SI: variants seen among roughly 807,000 people sequenced by gnomAD.
SI encodes the protein sucrase-isomaltase, intestinal.
In SI, 235 loss-of-function variants were observed where a neutral mutation model predicts 253.3. The ratio of observed to expected loss-of-function variants is 0.93; its 90% CI spans 0.83 to 1.03. The LOEUF (loss-of-function observed/expected upper bound fraction) is 1.03. Ranked by LOEUF, SI falls within the 50% of genes least tolerant of loss-of-function variation. The pLI, the probability that SI is intolerant of heterozygous loss-of-function variation, is 0.00. For synonymous variants in SI, 819 were observed against 712.0 expected, an observed-to-expected ratio of 1.15 and a Z score of -2.39; for missense variants, 2,442 against 2,211.1, an observed-to-expected ratio of 1.10 and a Z score of -2.09.
chr3:164,981,938 A>C (rs1717208150), intron 47 of SI, among the ~76,000 whole-genome samples: 6 of 152,152 alleles, frequency 3.9e-5, no homozygotes, highest in Admixed American at 3.9e-4. Context: ...CAGATATCTT[A>C]TTTTTAAAAA....
At chr3:165,060,250 A>C (rs1429508387) in intron 9 of SI, among the ~76,000 whole-genome samples, 1 of 151,922 alleles carries the variant, frequency 6.6e-6, no homozygotes, top group Admixed American at 6.6e-5. Flanking sequence ...TTCACGTTTT[A>C]GTTTGTGTTT....
At position 165,069,059 on chromosome 3, in the gene SI, A is replaced by T. The variant is rs780408805; in HGVS notation, c.373+19T>A. On this transcript the variant is annotated intron_variant, in intron 4 of 47. Transcript: ENST00000264382. ...TTAGAATATATCATATTGAATCATT[A>T]TAACAGAGGACTTCTTACCAATACT... The T allele has an allele frequency of 6.7e-7, 1 of 1,484,282 alleles. No individual in the cohort carries two copies. Among genetic ancestry groups the T allele is most frequent in the Admixed American group, 1.7e-5 (1 of 59,826 alleles). 91.9% of individuals were successfully genotyped at this position (1,484,282 alleles called of 1,614,324 possible).
chr3:165,076,964 T>TA (rs542088778), intron 1 of SI, among the ~76,000 whole-genome samples: 1 of 150,168 alleles, frequency 6.7e-6, no homozygotes, highest in African/African-American at 2.4e-5. Context: ...TTATTGGGTT[T>TA]AAAATCACGG....
Position 165,063,514 on chromosome 3 carries a change from T to A in SI, c.835A>T (p.Thr279Ser). 1 of 1,545,752 alleles carries A rather than the reference T, an allele frequency of 6.5e-7. No homozygotes were observed. Among genetic ancestry groups the A allele is most frequent in the Non-Finnish European group, 8.9e-7 (1 of 1,126,186 alleles). The change falls in exon 8 of 48, where the codon ACA becomes TCA. Residue 279 changes from threonine to serine, a missense_variant. Transcript: ENST00000264382. ...DNNNNLYGHQ[T>S]FFMCIEDTSG... The stretch of plus-strand genomic sequence containing the variant: ...GTATCTTCAATACACATAAAGAATG[T>A]TTGATGGCCGTATAAATTATTATTA...
chr3:165,059,811 T>C (rs941508248), intron 10 of SI, 91 bp downstream of exon 10: 1 of 1,266,150 alleles, frequency 7.9e-7, no homozygotes, highest in Non-Finnish European at 1.2e-6. Context: ...ATAATGTATA[T>C]AGTAGATACT....
chr3:165,042,983 T>C (rs12381230), intron 17 of SI, 76 bp downstream of exon 17: 299,944 of 893,354 alleles, frequency 0.34, 57,087 homozygotes, highest in East Asian at 0.75. Flanking sequence ...ATATACTCTA[T>C]AGATTTAATT....
intron 16 of SI, among the ~76,000 whole-genome samples, chr3:165,044,651 C>A (rs1713019056): frequency 6.6e-6 from 1 of 151,848 alleles, no homozygotes; most frequent in African/African-American, 2.4e-5. Context: ...AATTGAATAT[C>A]ATTTATAGAC....
intron 27 of SI, among the ~76,000 whole-genome samples, chr3:165,020,857 A>C (rs1378848921): frequency 6.6e-6 from 1 of 151,728 alleles, no homozygotes; most frequent in Non-Finnish European, 1.5e-5. Flanking sequence ...TTCAAGCACC[A>C]ATAAACTATT....
intron 34 of SI, among the ~76,000 whole-genome samples, chr3:165,012,242 G>A (rs1718807771): frequency 6.6e-6 from 1 of 152,062 alleles, no homozygotes; most frequent in Non-Finnish European, 1.5e-5. Context: ...GACTGTAAGT[G>A]GGAGAAAATA....
Position 165,037,978 on chromosome 3 carries a change from G to T in SI, c.2348C>A (p.Pro783Gln). Residue 783 changes from proline to glutamine, a missense_variant, in exon 21 of 48, where the codon CCA (proline) becomes CAA (glutamine). Physicochemically the swap from Pro to Gln is moderately conservative, Grantham distance 76. Coordinates refer to ENST00000264382, the MANE Select transcript of SI (RefSeq NM_001041.4). ...AAGATGTAATCCTATTTTGTCTGCT[G>T]GAAGATACATATCAACCCGTTGTTT... is the stretch of plus-strand genomic sequence containing the variant. ...WRKQRVDMYL[P>Q]ADKIGLHLRG... is the part of the protein sequence containing the mutation. 6 of 1,610,326 alleles carry T rather than the reference G, an allele frequency of 3.7e-6. No homozygotes were observed. The highest frequency in any genetic ancestry group is 5.1e-6 in the Non-Finnish European group (6 of 1,177,276).
Position 165,055,199 on chromosome 3 carries a change from A to G in SI, c.1507T>C (p.Trp503Arg), listed in dbSNP as rs1208563368. 1 of 1,589,556 alleles carries G rather than the reference A, an allele frequency of 6.3e-7. No individual in the cohort carries two copies. The highest frequency in any genetic ancestry group is 8.6e-7 in the Non-Finnish European group (1 of 1,158,458). ...GGTTTAAAATAGCTACTTACAATCC[A>G]AAGTCCATCATATTGCACTTCTTGA... ...FHQEVQYDGLWIDMNEVSSFI... is the reference protein window; with the variant it reads ...FHQEVQYDGLRIDMNEVSSFI... The change falls in exon 13 of 48, where the codon TGG becomes CGG. Residue 503 changes from tryptophan (W) to arginine (R), a missense_variant. Transcript: ENST00000264382.
intron 1 of SI, among the ~76,000 whole-genome samples, chr3:165,077,652 G>T (rs1359273080): frequency 2.0e-5 from 3 of 151,614 alleles, no homozygotes; most frequent in Non-Finnish European, 4.4e-5. Flanking sequence ...GTGATGTTAT[G>T]TTGAGAAATG....
At chr3:164,979,541 T>A (rs577189260) in intron 47 of SI, 111 bp from the exon 48 acceptor site, 1 of 597,754 alleles carries the variant, frequency 1.7e-6, no homozygotes, top group Non-Finnish European at 3.0e-6. Context: ...CTTTATTTTC[T>A]TTTATATCTT....
At chr3:165,070,710 T>C (rs937374300) in intron 3 of SI, among the ~76,000 whole-genome samples, 11 of 152,064 alleles carry the variant, frequency 7.2e-5, no homozygotes, top group African/African-American at 2.7e-4. Flanking sequence ...ACAATTTACA[T>C]AATTAAAAAT....
intron 35 of SI, among the ~76,000 whole-genome samples, chr3:165,008,926 T>G (rs1718641747): frequency 6.6e-6 from 1 of 151,916 alleles, no homozygotes; most frequent in South Asian, 2.1e-4. Context: ...GTTACCAAAT[T>G]TAAGAAATTT....
chr3:164,984,250 T>G (rs1344980201), intron 45 of SI, among the ~76,000 whole-genome samples: 3 of 152,144 alleles, frequency 2.0e-5, no homozygotes, highest in African/African-American at 7.2e-5. Context: ...AGGATATTTT[T>G]ATTCTCTTAT....
At chr3:165,040,005 T>A (rs752212097) in intron 18 of SI, 34 bp from the exon 19 acceptor site, 8 of 1,525,408 alleles carry the variant, frequency 5.2e-6, no homozygotes, top group Non-Finnish European at 7.3e-6. Flanking sequence ...AGTATAATAA[T>A]GAAAAAATAA....
At chr3:165,078,191 A>C in intron 1 of SI, among the ~76,000 whole-genome samples, 1 of 151,378 alleles carries the variant, frequency 6.6e-6, no homozygotes, top group Non-Finnish European at 1.5e-5. Flanking sequence ...ATTCCACCTA[A>C]GTCTTACAAA....
chr3:165,024,000 T>C (rs1370344754), intron 25 of SI, among the ~76,000 whole-genome samples: 1 of 151,448 alleles, frequency 6.6e-6, no homozygotes, highest in Non-Finnish European at 1.5e-5. Context: ...GAAAGAATGG[T>C]AGAGCAGAAG....
Sources: gnomAD v4.1 joint callset for allele counts (sites outside exome capture counted in the v4.1 genomes callset) on GRCh38, gnomAD v4.1.1 for gene constraint, MANE v1.5 for transcripts, NCBI Gene and HGNC (gene_info 2026-07-23, HGNC 2026-07-21) for gene names.